Variants in MGAT4A observed in about 807,000 individuals in gnomAD.
The protein encoded by MGAT4A is alpha-1,3-mannosyl-glycoprotein 4-beta-N-acetylglucosaminyltransferase A.
A neutral mutation model predicts 74.1 loss-of-function variants in MGAT4A; 33 were observed. That is an observed-to-expected ratio of 0.45 (90% CI 0.34 to 0.60). The LOEUF is 0.60. Among genes scored for constraint, MGAT4A ranks in the 20% least tolerant of loss-of-function variants. The pLI is 0.02. For missense variants in MGAT4A, 479 were observed against 628.3 expected (o/e 0.76, Z 2.54); for synonymous variants, 198 against 210.4 (o/e 0.94, Z 0.51).
chr2:98,678,378 T>C lies in MGAT4A; in HGVS notation c.188A>G (p.Asn63Ser), dbSNP rs761890887. 2.5e-6 allele frequency: 4 copies of C among 1,587,688 alleles called. No homozygotes were observed. In the East Asian group the frequency reaches 8.9e-5, roughly 35 times the overall value. The change falls in exon 3 of 16, where the codon AAT becomes AGT. Residue 63 changes from asparagine to serine, a missense_variant. Physicochemically the swap from Asn to Ser is conservative, Grantham distance 46. Coordinates refer to ENST00000393487, the MANE Select transcript of MGAT4A (RefSeq NM_012214.3). ...HRISQRSSELNTIVQQFKRVG... is the reference protein window; with the variant it reads ...HRISQRSSELSTIVQQFKRVG... ...ACGCTTGAACTGTTGCACAATCGTA[T>C]TTAATTCAGAAGAGCGCTGTGAGAT...
chr2:98,719,998 G>A (rs919310657), intron 2 of MGAT4A, among the ~76,000 whole-genome samples: 4 of 152,134 alleles, frequency 2.6e-5, no homozygotes, highest in Admixed American at 2.6e-4. Flanking sequence ...TAAACTCACA[G>A]AACTAAAAGA....
chr2:98,653,540 AG>A (rs1167496120), intron 8 of MGAT4A, among the ~76,000 whole-genome samples: 62 of 152,256 alleles, frequency 4.1e-4, no homozygotes, highest in African/African-American at 1.3e-3. Flanking sequence ...AGAGACTACT[AG>A]GAACAATTAT....
At chr2:98,647,679 T>TATCAGTTTTCCAGAAG (rs1326760226) in intron 8 of MGAT4A, among the ~76,000 whole-genome samples, 6 of 152,348 alleles carry the variant, frequency 3.9e-5, no homozygotes, top group Admixed American at 6.5e-5. Flanking sequence ...GTGAAGTGCC[T>TATCAGTTTTCCAGAAG]GCATCATCTA....
chr2:98,673,916 C>G (rs1339078007), intron 4 of MGAT4A, among the ~76,000 whole-genome samples: 1 of 152,132 alleles, frequency 6.6e-6, no homozygotes, highest in Non-Finnish European at 1.5e-5. Context: ...ACCACACACA[C>G]CTTGTTAGTC....
In MGAT4A at chr2:98,680,839, GAAGAA is replaced by G. The variant is rs1442416702; in HGVS notation, c.95-2373_95-2369del. Among the ~76,000 whole-genome samples the G allele has an allele frequency of 3.9e-5, 6 of 152,274 alleles. No homozygotes were observed. In the South Asian group the frequency reaches 1.2e-3, roughly 32 times the overall value. On this transcript the variant is annotated intron_variant, in intron 2 of 15. Coordinates refer to ENST00000393487, the MANE Select transcript of MGAT4A (RefSeq NM_012214.3). ...AAGAAGAGACACATAAGTTTTATGT[GAAGAA>G]AAGTACAAGCTTTTTACTGAAGTCT...
At chr2:98,670,964 A>C (rs141864930) in intron 4 of MGAT4A, among the ~76,000 whole-genome samples, 1 of 152,144 alleles carries the variant, frequency 6.6e-6, no homozygotes, top group Non-Finnish European at 1.5e-5. Context: ...TCACCTCCAA[A>C]TTATCATATT....
At chr2:98,643,586 C>G (rs1373427233) in intron 10 of MGAT4A, among the ~76,000 whole-genome samples, 2 of 152,072 alleles carry the variant, frequency 1.3e-5, no homozygotes, top group Admixed American at 6.5e-5. Flanking sequence ...AGAGAGTGAA[C>G]AGGAAATATG....
At chr2:98,633,329 G>A (rs571731956) in intron 14 of MGAT4A, among the ~76,000 whole-genome samples, 29 of 152,308 alleles carry the variant, frequency 1.9e-4, no homozygotes, top group African/African-American at 6.5e-4. Flanking sequence ...CCTGCACAGG[G>A]CAGAGCTTCT....
rs758416564 is a variant in MGAT4A, at chr2:98,675,125, C to G, written c.313G>C (p.Val105Leu). The G allele has an allele frequency of 1.9e-6, 3 of 1,611,952 alleles. No individual in the cohort carries two copies. The highest frequency in any genetic ancestry group is 2.5e-6 in the Non-Finnish European group (3 of 1,178,952). ...GGCAAATGATAATAAATACTTGGCA[C>G]TTGAAGAGATTTTTTGCTTGTTAAC... Reference protein sequence around the residue: ...KELTSKKSLQVPSIYYHLPHL... With the variant: ...KELTSKKSLQLPSIYYHLPHL... The change falls in exon 4 of 16, where the codon GTG becomes CTG. Residue 105 changes from valine to leucine, a missense_variant. Transcript: ENST00000393487.
At chr2:98,632,358 C>A (rs1166488015) in intron 14 of MGAT4A, among the ~76,000 whole-genome samples, 1 of 152,188 alleles carries the variant, frequency 6.6e-6, no homozygotes, top group Non-Finnish European at 1.5e-5. Flanking sequence ...ACCCCCATCA[C>A]ACGCCCTGAA....
At chr2:98,636,000 AAAT>A (rs1701313904) in intron 13 of MGAT4A, among the ~76,000 whole-genome samples, 1 of 150,984 alleles carries the variant, frequency 6.6e-6, no homozygotes, top group Non-Finnish European at 1.5e-5. Flanking sequence ...AAATAAAATA[AAAT>A]AAAATAAAAT....
chr2:98,674,720 G>C (rs1461362986), intron 4 of MGAT4A, among the ~76,000 whole-genome samples: 1 of 152,130 alleles, frequency 6.6e-6, no homozygotes, highest in Non-Finnish European at 1.5e-5. Flanking sequence ...TGTTAATTTT[G>C]AAATAAGATA....
intron 6 of MGAT4A, 51 bp downstream of exon 6, chr2:98,658,167 G>T: frequency 8.4e-7 from 1 of 1,187,466 alleles, no homozygotes; most frequent in South Asian, 1.3e-5. Context: ...AGAAACCCAA[G>T]AGATAATAGT....
intron 2 of MGAT4A, among the ~76,000 whole-genome samples, chr2:98,702,676 G>T (rs551750086): frequency 6.6e-6 from 1 of 152,330 alleles, no homozygotes; most frequent in East Asian, 1.9e-4. Context: ...GCAGAGAAGG[G>T]AGCCCTACCG....
chr2:98,697,466 T>C (rs1035556336), intron 2 of MGAT4A, among the ~76,000 whole-genome samples: 2 of 152,120 alleles, frequency 1.3e-5, no homozygotes, highest in Non-Finnish European at 2.9e-5. Context: ...TGTTCTATAG[T>C]GGTGGTTACA....
intron 5 of MGAT4A, among the ~76,000 whole-genome samples, chr2:98,659,901 A>C (rs1701717692): frequency 6.6e-6 from 1 of 152,156 alleles, no homozygotes; most frequent in Non-Finnish European, 1.5e-5. Context: ...TTGTTAAAAG[A>C]CTCAATGATA....
intron 2 of MGAT4A, among the ~76,000 whole-genome samples, chr2:98,723,341 G>A (rs1406135864): frequency 2.6e-5 from 4 of 152,128 alleles, no homozygotes; most frequent in East Asian, 1.9e-4. Context: ...AGAGCCGGCC[G>A]GAAGACACGT....
intron 7 of MGAT4A, chr2:98,656,005 G>A (rs373578233): frequency 8.9e-6 from 2 of 224,140 alleles, no homozygotes; most frequent in African/African-American, 2.4e-5. Context: ...CTGTTTGCAC[G>A]CAGATCAAAG....
intron 4 of MGAT4A, among the ~76,000 whole-genome samples, chr2:98,672,735 A>G (rs1334041082): frequency 6.6e-6 from 1 of 152,118 alleles, no homozygotes; most frequent in Non-Finnish European, 1.5e-5. Context: ...TCTGATCACT[A>G]ATTTGATCTT....
Sources: gnomAD v4.1 joint callset for allele counts (sites outside exome capture counted in the v4.1 genomes callset) on GRCh38, gnomAD v4.1.1 for gene constraint, MANE v1.5 for transcripts, NCBI Gene and HGNC (gene_info 2026-07-23, HGNC 2026-07-21) for gene names.